The following SEPTIN9 variants were observed in gnomAD, a reference collection of about 807,000 sequenced individuals.
The protein encoded by SEPTIN9 is septin-9.
Under a neutral mutation model 56.6 loss-of-function variants are expected in SEPTIN9, and 13 were observed. That is an observed-to-expected ratio of 0.23 (90% confidence interval 0.15 to 0.37). The LOEUF (loss-of-function observed/expected upper bound fraction) is 0.37, where lower values mean the gene tolerates loss of function less well. Among genes scored for constraint, SEPTIN9 ranks in the 10% least tolerant of loss-of-function variants. The pLI is 1.00. For missense variants in SEPTIN9, 650 were observed against 823.1 expected (o/e 0.79, Z 2.57); for synonymous variants, 332 against 334.1 (o/e 0.99, Z 0.07).
At chr17:77,362,536 A>T (rs1224038769) in intron 2 of SEPTIN9, among the ~76,000 whole-genome samples, 2 of 152,094 alleles carry the variant, frequency 1.3e-5, no homozygotes, top group Non-Finnish European at 2.9e-5. Context: ...TTGTTCCCTT[A>T]TTGAGTCTCT....
chr17:77,306,180 A>G lies in SEPTIN9; in HGVS notation c.20-961A>G, dbSNP rs968720766. Among the ~76,000 whole-genome samples, 17 of 152,194 alleles carry G rather than the reference A, an allele frequency of 1.1e-4. No individual in the cohort carries two copies. In the East Asian group the frequency reaches 3.3e-3, roughly 29 times the overall value. On this transcript the variant is annotated intron_variant, in intron 1 of 11. Coordinates refer to ENST00000427177, the MANE Select transcript of SEPTIN9 (RefSeq NM_001113491.2). ...AGAGCCTTTCTGGAGGGTTCCAGGG[A>G]GGAACTGGCATCTTTGACCAGCAGC...
intron 3 of SEPTIN9, among the ~76,000 whole-genome samples, chr17:77,462,787 G>A (rs1430650013): frequency 1.3e-5 from 2 of 152,100 alleles, no homozygotes; most frequent in South Asian, 2.1e-4. Context: ...GACTACAGGC[G>A]TGTGCCACCA....
chr17:77,382,729 C>G (rs778702961), intron 2 of SEPTIN9, among the ~76,000 whole-genome samples: 2 of 152,182 alleles, frequency 1.3e-5, no homozygotes, highest in Non-Finnish European at 2.9e-5. Context: ...CAAAAGAAAC[C>G]CTTGGCCGCC....
chr17:77,399,850 A>T (rs1199736719), intron 2 of SEPTIN9, among the ~76,000 whole-genome samples: 1 of 151,974 alleles, frequency 6.6e-6, no homozygotes, highest in Non-Finnish European at 1.5e-5. Context: ...CACCTGGCAC[A>T]CCCCTGACTC....
At chr17:77,373,372 T>C in intron 2 of SEPTIN9, 2 of 1,207,562 alleles carry the variant, frequency 1.7e-6, no homozygotes, top group Non-Finnish European at 2.1e-6. Context: ...TAGGGGCTCC[T>C]CCGGCGGCTA....
At chr17:77,338,470 G>A (rs1568001330) in intron 2 of SEPTIN9, among the ~76,000 whole-genome samples, 1 of 152,024 alleles carries the variant, frequency 6.6e-6, no homozygotes, top group Non-Finnish European at 1.5e-5. Context: ...CCAGGCTGGA[G>A]TGCAGTGGCA....
chr17:77,340,411 G>C (rs943110732), intron 2 of SEPTIN9, among the ~76,000 whole-genome samples: 37 of 152,324 alleles, frequency 2.4e-4, no homozygotes, highest in African/African-American at 8.2e-4. Flanking sequence ...AAAGTGCTGG[G>C]ATTACAGGCG....
At chr17:77,333,640 A>G (rs1376941285) in intron 2 of SEPTIN9, among the ~76,000 whole-genome samples, 1 of 152,230 alleles carries the variant, frequency 6.6e-6, no homozygotes, top group Non-Finnish European at 1.5e-5. Flanking sequence ...GTTCTTTGTA[A>G]GAAACCTTTG....
intron 3 of SEPTIN9, among the ~76,000 whole-genome samples, chr17:77,461,733 A>C (rs891830616): frequency 2.0e-5 from 3 of 152,220 alleles, no homozygotes; most frequent in African/African-American, 7.2e-5. Flanking sequence ...TTAGATAAAG[A>C]GATTTATTAT....
At chr17:77,467,849 A>C (rs143044241) in intron 3 of SEPTIN9, among the ~76,000 whole-genome samples, 1 of 152,200 alleles carries the variant, frequency 6.6e-6, no homozygotes, top group Non-Finnish European at 1.5e-5. Context: ...CAGACTGGCC[A>C]TTCATTCATT....
rs1267893435 is a variant in SEPTIN9 at position 77,425,628 on chromosome 17, A to G, written c.721+22925A>G. Among the ~76,000 whole-genome samples the G allele has an allele frequency of 6.6e-6, 1 of 152,170 alleles. No homozygotes were observed. Among genetic ancestry groups the G allele is most frequent in the East Asian group, 1.9e-4 (1 of 5,196 alleles). On this transcript the variant is annotated intron_variant, in intron 3 of 11. Coordinates refer to ENST00000427177, the MANE Select transcript of SEPTIN9 (RefSeq NM_001113491.2). This position sits in a 1 kb window ranked among gnomAD's most constrained non-coding sequence, Gnocchi z 4.2. ...CCACTCAGGACCTGGAGCCTCAGCCAGAGAGGGACCCTCCACTGCCTCTTT... is the reference window on the plus strand; with the variant it reads ...CCACTCAGGACCTGGAGCCTCAGCCGGAGAGGGACCCTCCACTGCCTCTTT...
At position 77,498,850 on chromosome 17, in the gene SEPTIN9, C is replaced by G. The variant is rs931488506; in HGVS notation, c.*192C>G. 1 of 621,274 alleles carries G rather than the reference C, an allele frequency of 1.6e-6. No individual in the cohort carries two copies. The allele number at this position is 621,274 out of a possible 1,614,324, so 38.5% of individuals were successfully genotyped here. On this transcript the variant is annotated 3_prime_UTR_variant, in exon 12 of 12. Transcript: ENST00000427177. ...GTCAGTGATGAGGCCGCGGCCTCCCCGAGGTTGTGGGGAGGCTGCACTGGA... is the reference window on the plus strand; with the variant it reads ...GTCAGTGATGAGGCCGCGGCCTCCCGGAGGTTGTGGGGAGGCTGCACTGGA...
At chr17:77,315,796 ACCAGTGATGCTGATGTCGCAGAAAAGTGG>A (rs1175869583) in intron 2 of SEPTIN9, among the ~76,000 whole-genome samples, 1 of 152,192 alleles carries the variant, frequency 6.6e-6, no homozygotes, top group African/African-American at 2.4e-5. Flanking sequence ...GGAGCTGTGA[ACCAGTGATGCTGATGTCGCAGAAAAGTGG>A]CCAGGGGTCT....
chr17:77,395,397 C>T (rs969445793), intron 2 of SEPTIN9, among the ~76,000 whole-genome samples: 3 of 151,892 alleles, frequency 2.0e-5, no homozygotes, highest in African/African-American at 7.3e-5. Context: ...ACGTGGTGGC[C>T]GGGCACCTGT....
At chr17:77,306,359 A>G (rs1393322046) in intron 1 of SEPTIN9, among the ~76,000 whole-genome samples, 3 of 152,190 alleles carry the variant, frequency 2.0e-5, no homozygotes, top group South Asian at 2.1e-4. Flanking sequence ...CGTGCTCTAC[A>G]GCAATAGGGT....
intron 2 of SEPTIN9, among the ~76,000 whole-genome samples, chr17:77,340,869 CT>C (rs2033703609): frequency 6.6e-6 from 1 of 152,216 alleles, no homozygotes; most frequent in Admixed American, 6.5e-5. Context: ...GGCTTCTTTC[CT>C]TAAACTTCAT....
chr17:77,315,507 G>C (rs8072523), intron 2 of SEPTIN9, among the ~76,000 whole-genome samples: 108,371 of 151,964 alleles, frequency 0.71, 38,806 homozygotes, highest in Middle Eastern at 0.83. Context: ...AGGCTGGTCT[G>C]GAACCCCTGA....
chr17:77,408,287 C>G (rs902865956), intron 3 of SEPTIN9, among the ~76,000 whole-genome samples: 3 of 152,196 alleles, frequency 2.0e-5, no homozygotes, highest in Admixed American at 6.5e-5. Context: ...CCCCAAGAAC[C>G]AAGAAGGGAG....
Position 77,406,495 on chromosome 17 carries a change from C to T in SEPTIN9, c.721+3792C>T, listed in dbSNP as rs148972601. ...AGTTTTTCAGATCATAAAAAGTAAT[C>T]GAGTACCCTTTCTTTAAAATGCAGG... is the stretch of plus-strand genomic sequence containing the variant. On this transcript the variant is annotated intron_variant, in intron 3 of 11. Coordinates refer to ENST00000427177, the MANE Select transcript of SEPTIN9 (RefSeq NM_001113491.2). Among the ~76,000 whole-genome samples the T allele has an allele frequency of 3.0e-3, 448 of 151,632 alleles. 1 individual carries two copies. Among genetic ancestry groups the T allele is most frequent in the African/African-American group, 0.01 (433 of 41,330 alleles).
Sources: allele counts gnomAD v4.1 joint callset (sites outside exome capture counted in the v4.1 genomes callset), GRCh38; gene constraint gnomAD v4.1.1; non-coding constraint Gnocchi (gnomAD v3.1); transcripts MANE v1.5; gene names NCBI Gene and HGNC (gene_info 2026-07-23, HGNC 2026-07-21).